Variants in GSE1 observed in about 807,000 individuals in gnomAD.
The protein encoded by GSE1 is genetic suppressor element 1.
GSE1 carries 32 observed loss-of-function variants against 112.6 expected under a neutral mutation model. The observed-to-expected ratio is 0.28, with a 90% CI of 0.21 to 0.38. The LOEUF is 0.38. GSE1 is among the 10% of genes least tolerant of loss of function. The pLI, the probability that GSE1 is intolerant of heterozygous loss-of-function variation, is 1.00. For synonymous variants in GSE1, 1,115 were observed against 735.6 expected, an observed-to-expected ratio of 1.52 and a Z score of -8.35; for missense variants, 2,348 against 1,699.2, an observed-to-expected ratio of 1.38 and a Z score of -6.71.
At chr16:85,186,528 T>C (rs553599449) in intron 1 of GSE1, among the ~76,000 whole-genome samples, 2 of 151,708 alleles carry the variant, frequency 1.3e-5, no homozygotes, top group African/African-American at 4.8e-5. Flanking sequence ...GCTTGAACCT[T>C]GGAGGAGTAG....
At chr16:85,200,095 G>C (rs1380558153) in intron 1 of GSE1, among the ~76,000 whole-genome samples, 1 of 152,140 alleles carries the variant, frequency 6.6e-6, no homozygotes, top group African/African-American at 2.4e-5. Flanking sequence ...GCGGGCTGAA[G>C]ATAATTCTGC....
chr16:85,362,504 C>T (rs939740692), intron 2 of GSE1, among the ~76,000 whole-genome samples: 1 of 152,226 alleles, frequency 6.6e-6, no homozygotes, highest in African/African-American at 2.4e-5. Context: ...GGCCATGGAG[C>T]CTTCTCAAGG....
chr16:85,643,228 T>G (rs959507147), intron 2 of GSE1, among the ~76,000 whole-genome samples: 1 of 152,220 alleles, frequency 6.6e-6, no homozygotes, highest in African/African-American at 2.4e-5. Flanking sequence ...CAGATCCGTT[T>G]CATTGACTTA....
At chr16:85,578,369 A>T (rs965796028) in intron 1 of GSE1, among the ~76,000 whole-genome samples, 1 of 152,196 alleles carries the variant, frequency 6.6e-6, no homozygotes, top group Non-Finnish European at 1.5e-5. Flanking sequence ...CAGACGACAG[A>T]GGCACAAGTC....
At chr16:85,294,655 C>G (rs867604592) in intron 1 of GSE1, among the ~76,000 whole-genome samples, 10 of 119,440 alleles carry the variant, frequency 8.4e-5, no homozygotes, top group Admixed American at 2.4e-4. Flanking sequence ...CTCTCTCTCT[C>G]TCTGTCTCTC....
chr16:85,548,239 AAAAAAAAGAAAG>A (rs1160681028), intron 2 of GSE1, among the ~76,000 whole-genome samples: 7 of 150,440 alleles, frequency 4.7e-5, no homozygotes, highest in African/African-American at 1.7e-4. Flanking sequence ...AAAAAAAAAA[AAAAAAAAGAAAG>A]AAAGAAAGAA....
intron 2 of GSE1, among the ~76,000 whole-genome samples, chr16:85,402,657 C>T (rs764513921): frequency 5.9e-5 from 9 of 151,984 alleles, no homozygotes; most frequent in South Asian, 2.1e-4. Flanking sequence ...CATGGTGGCT[C>T]ACACCTGTAA....
At chr16:85,232,266 TC>T (rs1175021328) in intron 1 of GSE1, among the ~76,000 whole-genome samples, 1 of 152,192 alleles carries the variant, frequency 6.6e-6, no homozygotes, top group African/African-American at 2.4e-5. Context: ...CACAGTGTGC[TC>T]CCCAGGGGCC....
At chr16:85,643,225 G>A (rs1023726467) in intron 2 of GSE1, among the ~76,000 whole-genome samples, 5 of 152,328 alleles carry the variant, frequency 3.3e-5, no homozygotes, top group Middle Eastern at 3.4e-3. Context: ...ATCCAGATCC[G>A]TTTCATTGAC....
intron 1 of GSE1, among the ~76,000 whole-genome samples, chr16:85,293,162 C>T (rs1004004500): frequency 2.0e-5 from 3 of 152,076 alleles, no homozygotes; most frequent in African/African-American, 7.2e-5. Flanking sequence ...GTCCCCCCAT[C>T]GCTGTACTTT....
intron 5 of GSE1, among the ~76,000 whole-genome samples, chr16:85,655,291 G>C (rs560227480): frequency 3.9e-5 from 6 of 152,334 alleles, no homozygotes; most frequent in Admixed American, 2.6e-4. Context: ...TTGCCCGTGG[G>C]AGAGGCGATG....
chr16:85,527,037 G>A (rs774455904), intron 2 of GSE1, among the ~76,000 whole-genome samples: 2 of 152,242 alleles, frequency 1.3e-5, no homozygotes, highest in Non-Finnish European at 2.9e-5. Context: ...AGGGATTTGG[G>A]GAGGGGGTGG....
At chr16:85,261,989 C>T (rs943979300) in intron 1 of GSE1, among the ~76,000 whole-genome samples, 1 of 152,156 alleles carries the variant, frequency 6.6e-6, no homozygotes, top group Non-Finnish European at 1.5e-5. Flanking sequence ...CCCCACTTTA[C>T]AGATGGGCAG....
In GSE1 at chr16:85,515,624, C is replaced by T. The variant is rs1385653883; in HGVS notation, c.2465-118290C>T. On this transcript the variant is annotated intron_variant, in intron 2 of 2. Coordinates refer to the GSE1 transcript ENST00000637419. ...GGCAGTTTTCTGTGTGGGGGGAGAT[C>T]GCCTGAACAGGTCGGGGGGCGTGGA... 3.4e-5 allele frequency among the ~76,000 whole-genome samples: 5 copies of T among 145,198 alleles called. No homozygotes were observed. In the East Asian group the frequency reaches 6.0e-4, roughly 18 times the overall value.
chr16:85,313,159 C>T (rs991106226), intron 1 of GSE1, among the ~76,000 whole-genome samples: 7 of 152,182 alleles, frequency 4.6e-5, no homozygotes, highest in Non-Finnish European at 7.4e-5. Context: ...AGGTGGGGCC[C>T]CTGGCCTGCT....
At chr16:85,611,827 C>T (rs1324021501), upstream of GSE1, among the ~76,000 whole-genome samples, 1 of 150,406 alleles carries the variant, frequency 6.6e-6, no homozygotes, top group Non-Finnish European at 1.5e-5. Flanking sequence ...AGGCGCCCAG[C>T]GCTCGCTCCC....
At position 85,355,740 on chromosome 16, in the gene GSE1, GC is replaced by G. The variant is rs199812431; in HGVS notation, c.2284-1721del. Among the ~76,000 whole-genome samples the G allele has an allele frequency of 6.7e-3, 1,013 of 152,314 alleles. 16 individuals carry two copies. Among genetic ancestry groups the G allele is most frequent in the African/African-American group, 0.023 (957 of 41,556 alleles). ...CAATTTTAAAGATTACAGAAAAGTG[GC>G]CAGGTGCAGGGGCTCACACCTATAA... On this transcript the variant is annotated intron_variant, in intron 1 of 2. Coordinates refer to the GSE1 transcript ENST00000637419.
intron 7 of GSE1, 49 bp from the exon 8 acceptor site, chr16:85,657,228 T>C: frequency 1.5e-6 from 2 of 1,306,722 alleles, no homozygotes; most frequent in Non-Finnish European, 2.1e-6. Flanking sequence ...GGAGGGAGCA[T>C]GCTGGCCCAC....
upstream of GSE1, among the ~76,000 whole-genome samples, chr16:85,554,432 C>T (rs1288799884): frequency 6.6e-6 from 1 of 152,162 alleles, no homozygotes; most frequent in African/African-American, 2.4e-5. Flanking sequence ...CTTGCAGAAT[C>T]CCAGTAATAG....
Sources: gnomAD v4.1 joint callset for allele counts (sites outside exome capture counted in the v4.1 genomes callset) on GRCh38, gnomAD v4.1.1 for gene constraint, MANE v1.5 for transcripts, NCBI Gene and HGNC (gene_info 2026-07-23, HGNC 2026-07-21) for gene names.